Variants in DEFB1 observed in about 807,000 individuals in gnomAD.
DEFB1 encodes the protein defensin beta 1, also known as beta-defensin 1.
A neutral mutation model predicts 2.6 loss-of-function variants in DEFB1; 4 were observed. The ratio of observed to expected loss-of-function variants is 1.53; its 90% confidence interval spans 0.76 to 3.51. DEFB1 has a LOEUF of 3.51. Among genes scored for constraint, DEFB1 ranks in the 30% most tolerant of loss-of-function variants. The pLI is 0.01. For missense variants in DEFB1, 162 were observed against 76.9 expected, an observed-to-expected ratio of 2.11 and a Z score of -4.14; for synonymous variants, 56 against 28.5, an observed-to-expected ratio of 1.96 and a Z score of -3.07.
intron 1 of DEFB1, among the ~76,000 whole-genome samples, chr8:6,871,460 A>G (rs1405839966): frequency 6.6e-6 from 1 of 152,154 alleles, no homozygotes; most frequent in Non-Finnish European, 1.5e-5. Flanking sequence ...ATTCCATGCA[A>G]CAGGGAACAG....
intron 1 of DEFB1, among the ~76,000 whole-genome samples, chr8:6,875,436 A>C (rs879566246): frequency 4.6e-5 from 7 of 152,188 alleles, no homozygotes; most frequent in African/African-American, 1.7e-4. Flanking sequence ...AAGACAGATA[A>C]TCCAAAAGAA....
At chr8:6,872,590 GT>G (rs1181938687) in intron 1 of DEFB1, among the ~76,000 whole-genome samples, 1 of 152,118 alleles carries the variant, frequency 6.6e-6, no homozygotes, top group African/African-American at 2.4e-5. Flanking sequence ...GAAAAGAAGA[GT>G]TTTTTTGTGT....
intron 1 of DEFB1, among the ~76,000 whole-genome samples, chr8:6,873,294 A>G (rs899974822): frequency 6.6e-6 from 1 of 152,114 alleles, no homozygotes. Context: ...ACTTCACCAC[A>G]CTGCTGGTTG....
chr8:6,877,445 C>G (rs960380418), intron 1 of DEFB1, among the ~76,000 whole-genome samples: 1 of 152,208 alleles, frequency 6.6e-6, no homozygotes, highest in Non-Finnish European at 1.5e-5. Context: ...GGGGCCGGCC[C>G]CTCTCTCTGC....
intron 1 of DEFB1, among the ~76,000 whole-genome samples, chr8:6,875,108 A>C (rs979089788): frequency 1.4e-4 from 18 of 132,624 alleles, no homozygotes; most frequent in Admixed American, 3.7e-4. Context: ...ACACACACAC[A>C]CCCCATTGCC....
chr8:6,875,931 G>A (rs1322982489), intron 1 of DEFB1, among the ~76,000 whole-genome samples: 1 of 152,086 alleles, frequency 6.6e-6, no homozygotes, highest in Non-Finnish European at 1.5e-5. Context: ...GGGTAGGAGG[G>A]AGTTGTGACT....
intron 1 of DEFB1, among the ~76,000 whole-genome samples, chr8:6,876,943 A>G (rs1388749159): frequency 6.6e-6 from 1 of 152,136 alleles, no homozygotes; most frequent in African/African-American, 2.4e-5. Flanking sequence ...AGATGGAAAA[A>G]CTGAGGCATA....
intron 1 of DEFB1, among the ~76,000 whole-genome samples, chr8:6,873,628 C>T (rs538596409): frequency 6.6e-6 from 1 of 152,166 alleles, no homozygotes; most frequent in Non-Finnish European, 1.5e-5. Context: ...ACCACATGTT[C>T]TCAGTTATAA....
intron 1 of DEFB1, among the ~76,000 whole-genome samples, chr8:6,874,785 C>T (rs962143700): frequency 6.6e-6 from 1 of 152,068 alleles, no homozygotes; most frequent in Non-Finnish European, 1.5e-5. Context: ...TATTTGAGAC[C>T]AGCCTGGCCA....
At chr8:6,876,782 G>A (rs1490396709) in intron 1 of DEFB1, among the ~76,000 whole-genome samples, 1 of 142,726 alleles carries the variant, frequency 7.0e-6, no homozygotes, top group Admixed American at 7.5e-5. Flanking sequence ...TAGCCTGGGT[G>A]ACAGAGTGAG....
At chr8:6,872,908 G>A (rs1240925054) in intron 1 of DEFB1, among the ~76,000 whole-genome samples, 1 of 152,192 alleles carries the variant, frequency 6.6e-6, no homozygotes, top group Non-Finnish European at 1.5e-5. Flanking sequence ...CTTAGAGGAT[G>A]CCTACTCCAA....
chr8:6,870,637 A>G lies in DEFB1; in HGVS notation c.*44T>C, dbSNP rs2117205412. On this transcript the variant is annotated 3_prime_UTR_variant, in exon 2 of 2. Coordinates refer to ENST00000297439, the MANE Select transcript of DEFB1 (RefSeq NM_005218.4). ...CCTTTATTAAAAGAATGCTTATAAA[A>G]AGTTCATTTCACTTCTGCGTCATTT... The G allele has an allele frequency of 1.9e-6, 3 of 1,587,886 alleles. No homozygotes were observed. The highest frequency in any genetic ancestry group is 2.6e-6 in the Non-Finnish European group (3 of 1,169,774).
chr8:6,877,279 A>T (rs1806567375), intron 1 of DEFB1, among the ~76,000 whole-genome samples: 2 of 152,190 alleles, frequency 1.3e-5, no homozygotes. Flanking sequence ...AACCTGGAGA[A>T]TGTGGATGCA....
intron 1 of DEFB1, among the ~76,000 whole-genome samples, chr8:6,876,034 C>A (rs1168945534): frequency 1.3e-5 from 2 of 152,120 alleles, no homozygotes; most frequent in Non-Finnish European, 1.5e-5. Context: ...CTTTCAAACC[C>A]TTTTGAGTTT....
rs1806271015 is a variant in DEFB1 at position 6,870,599 on chromosome 8, C to T, written c.*82G>A. 6.4e-7 allele frequency: 1 copy of T among 1,550,662 alleles called. No individual in the cohort carries two copies. The highest frequency in any genetic ancestry group is 1.4e-5 in the African/African-American group (1 of 72,954). ...ATTTTGGCCCAAAGGAGGTATACTT[C>T]AAAAGCAATTTTCCTTTATTAAAAG... On this transcript the variant is annotated 3_prime_UTR_variant, in exon 2 of 2. Transcript: ENST00000297439.
chr8:6,870,793 G>T lies in DEFB1; in HGVS notation c.95C>A (p.Ser32Tyr). Residue 32 changes from serine to tyrosine, a missense_variant, in exon 2 of 2, where the codon TCT becomes TAT. Physicochemically the swap from Ser to Tyr is moderately radical, Grantham distance 144. Transcript: ENST00000297439. The stretch of plus-strand genomic sequence containing the variant: ...ACTGCTGACGCAATTGTAATGATCA[G>T]ATCTGTGGCCAAGGCCTGTGAGAAA... ...GNFLTGLGHR[S>Y]DHYNCVSSGG... is the part of the protein sequence containing the mutation. 1 of 1,614,096 alleles carries T rather than the reference G, an allele frequency of 6.2e-7. No individual in the cohort carries two copies. The highest frequency in any genetic ancestry group is 1.1e-5 in the South Asian group (1 of 91,034).
At chr8:6,876,086 A>C (rs1185839334) in intron 1 of DEFB1, among the ~76,000 whole-genome samples, 1 of 152,238 alleles carries the variant, frequency 6.6e-6, no homozygotes, top group Admixed American at 6.5e-5. Context: ...ACTGCTACTC[A>C]GTAAAAACAT....
At chr8:6,874,179 T>C (rs936703132) in intron 1 of DEFB1, among the ~76,000 whole-genome samples, 7 of 150,758 alleles carry the variant, frequency 4.6e-5, no homozygotes, top group Non-Finnish European at 8.8e-5. Flanking sequence ...TTTGTAGGTA[T>C]TAGAGAACCA....
At chr8:6,872,579 A>G (rs966796596) in intron 1 of DEFB1, among the ~76,000 whole-genome samples, 16 of 152,298 alleles carry the variant, frequency 1.1e-4, no homozygotes, top group Non-Finnish European at 1.9e-4. Flanking sequence ...GAGGAGAATG[A>G]GAAAAGAAGA....
Sources: allele counts gnomAD v4.1 joint callset (sites outside exome capture counted in the v4.1 genomes callset), GRCh38; gene constraint gnomAD v4.1.1; transcripts MANE v1.5; gene names NCBI Gene and HGNC (gene_info 2026-07-23, HGNC 2026-07-21).